Variants in MIIP observed in about 807,000 individuals in gnomAD.
MIIP encodes migration and invasion inhibitory protein.
In MIIP, 44 loss-of-function variants were observed where a neutral mutation model predicts 44.8. The observed-to-expected ratio is 0.98, with a 90% CI of 0.77 to 1.26. MIIP has a LOEUF of 1.26. Among genes scored for constraint, MIIP ranks in the 50% most tolerant of loss-of-function variants. The pLI is 0.00. For synonymous variants in MIIP, 225 were observed against 218.3 expected (o/e 1.03, Z -0.27); for missense variants, 496 against 511.7 (o/e 0.97, Z 0.30).
rs112218993 is a variant in MIIP at position 12,029,779 on chromosome 1, C to T, written c.730C>T (p.Arg244Cys). Residue 244 changes from arginine to cysteine, a missense_variant, in exon 7 of 10, where the codon CGT becomes TGT. Coordinates refer to ENST00000235332, the MANE Select transcript of MIIP (RefSeq NM_021933.4). Reference sequence around the variant, plus strand: ...GGGCCTCGCAGGCGTGTACTGTTACCGTGTCAACCGGCGCCTGTTCCCGGT... The same window carrying T: ...GGGCCTCGCAGGCGTGTACTGTTACTGTGTCAACCGGCGCCTGTTCCCGGT... ...EEDHECVYCY[R>C]VNRRLFPVPV... 219 of 1,613,078 alleles carry T rather than the reference C, an allele frequency of 1.4e-4. No homozygotes were observed. Among genetic ancestry groups the T allele is most frequent in the African/African-American group, 1.2e-3 (91 of 75,000 alleles).
chr1:12,022,627 T>C (rs1039377806), intron 3 of MIIP, among the ~76,000 whole-genome samples, 185 bp downstream of exon 3: 1 of 152,158 alleles, frequency 6.6e-6, no homozygotes, highest in African/African-American at 2.4e-5. Flanking sequence ...TCTCATACAG[T>C]GCTTTGAGAA....
intron 9 of MIIP, 125 bp from the exon 10 acceptor site, chr1:12,031,597 C>T (rs1208990): frequency 0.012 from 19,335 of 1,609,304 alleles, 366 homozygotes; most frequent in African/African-American, 0.087. Context: ...TGCTCCCTGC[C>T]GCCTGCCCTG....
chr1:12,023,676 C>CT (rs771688884), intron 4 of MIIP, among the ~76,000 whole-genome samples: 4,419 of 137,392 alleles, frequency 0.032, 89 homozygotes, highest in South Asian at 0.06. Context: ...CCATGCCCGG[C>CT]TTTTTTTTTT....
chr1:12,029,893 A>T lies in MIIP; in HGVS notation c.844A>T (p.Arg282Trp), dbSNP rs1640195918. 6.2e-7 allele frequency: 1 copy of T among 1,612,704 alleles called. No homozygotes were observed. Among genetic ancestry groups the T allele is most frequent in the Non-Finnish European group, 8.5e-7 (1 of 1,179,214 alleles). ...GACCCTGGCGCAGCCAGCGCACGTC[A>T]GGTGAGTGACCAGAGTATTGGGACA... is the stretch of plus-strand genomic sequence containing the variant. ...PGTLAQPAHV[R>W]VSIPLSILEP... The change falls in exon 7 of 10, where the codon AGG (arginine) becomes TGG (tryptophan). Residue 282 changes from arginine to tryptophan, a missense_variant and splice_region_variant. By Grantham distance (101) the Arg-to-Trp change is moderately radical. Transcript: ENST00000235332.
In MIIP at chr1:12,022,150, C is replaced by T. The variant is rs200638129; in HGVS notation, c.170C>T (p.Thr57Met). Residue 57 changes from threonine (T) to methionine (M), a missense_variant, in exon 3 of 10, where the codon ACG becomes ATG. By Grantham distance (81) the Thr-to-Met change is moderately conservative (BLOSUM62 -1). Coordinates refer to ENST00000235332, the MANE Select transcript of MIIP (RefSeq NM_021933.4). ...YNSETPSTPE[T>M]SSTSLSTSCP... ...TCAGAGACTCCATCGACCCCAGAGA[C>T]GTCCTCAACTTCCTTGAGCACCTCC... The T allele has an allele frequency of 3.3e-5, 53 of 1,614,048 alleles. No homozygotes were observed. Among genetic ancestry groups the T allele is most frequent in the East Asian group, 2.0e-4 (9 of 44,876 alleles).
chr1:12,023,658 A>G (rs1417203340), intron 4 of MIIP, among the ~76,000 whole-genome samples: 2 of 147,216 alleles, frequency 1.4e-5, no homozygotes, highest in South Asian at 2.2e-4. Flanking sequence ...GATTACAGGC[A>G]TGAGCCACCA....
intron 6 of MIIP, 199 bp from the exon 7 acceptor site, chr1:12,029,566 C>T: frequency 1.3e-6 from 1 of 766,924 alleles, no homozygotes; most frequent in Non-Finnish European, 2.1e-6. Context: ...CTCCTGAGGG[C>T]CCCAGGAGGA....
chr1:12,021,512 G>A (rs1639975364), intron 1 of MIIP, 133 bp from the exon 2 acceptor site: 1 of 574,050 alleles, frequency 1.7e-6, no homozygotes, highest in Non-Finnish European at 3.1e-6. Flanking sequence ...TTGTCGTCCA[G>A]CAGATGAGGA....
In MIIP at chr1:12,030,119, C is replaced by T. The variant is rs1640204852; in HGVS notation, c.937C>T (p.Pro313Ser). 5.0e-6 allele frequency: 8 copies of T among 1,612,410 alleles called. No homozygotes were observed. The highest frequency in any genetic ancestry group is 6.8e-6 in the Non-Finnish European group (8 of 1,179,886). ...TGACGCCTCTGACACACTGGCCCTGCCCCGGGTGAGCAGCCACGTGGGGCT... is the reference window on the plus strand; with the variant it reads ...TGACGCCTCTGACACACTGGCCCTGTCCCGGGTGAGCAGCCACGTGGGGCT... ...SFDASDTLAL[P>S]RHCLLGWDIF... The change falls in exon 8 of 10, where the codon CCC (proline) becomes TCC (serine). Residue 313 changes from proline to serine, a missense_variant. Pro to Ser is a moderately conservative substitution (Grantham distance 74, BLOSUM62 -1). Transcript: ENST00000235332.
At chr1:12,024,489 C>G (rs1640058795) in intron 4 of MIIP, among the ~76,000 whole-genome samples, 1 of 152,226 alleles carries the variant, frequency 6.6e-6, no homozygotes, top group Non-Finnish European at 1.5e-5. Flanking sequence ...TCTCCGCTCA[C>G]TGCAACCTCC....
chr1:12,029,652 C>T, intron 6 of MIIP, 113 bp from the exon 7 acceptor site: 1 of 1,445,322 alleles, frequency 6.9e-7, no homozygotes, highest in Non-Finnish European at 9.4e-7. Context: ...GGCCGAAGGG[C>T]TTCCCAGAGG....
In MIIP at chr1:12,029,835, G is replaced by C. The variant is rs139665248; in HGVS notation, c.786G>C (p.Leu262=). The C allele has an allele frequency of 1.0e-4, 162 of 1,613,420 alleles. No individual in the cohort carries two copies. The highest frequency in any genetic ancestry group is 1.6e-4 in the Middle Eastern group (1 of 6,062). The change falls in exon 7 of 10, where the codon CTG becomes CTC. Residue 262 remains leucine (L), a synonymous_variant. Coordinates refer to ENST00000235332, the MANE Select transcript of MIIP (RefSeq NM_021933.4). ...TGGATCCCGGTACCCCCTGCCGCCT[G>C]TGCAGGACACCGCGAGACCAGCAGG... ...VPVDPGTPCR[L]CRTPRDQQGP... is the part of the protein sequence containing the mutation.
intron 4 of MIIP, among the ~76,000 whole-genome samples, chr1:12,026,555 G>A (rs1640108184): frequency 6.6e-6 from 1 of 152,148 alleles, no homozygotes; most frequent in Non-Finnish European, 1.5e-5. Context: ...TCTGCTTCTG[G>A]CTCCTCCAGG....
chr1:12,030,556 CTTTTTTTTTT>C (rs71568383), intron 8 of MIIP, among the ~76,000 whole-genome samples: 1 of 59,070 alleles, frequency 1.7e-5, no homozygotes, highest in Non-Finnish European at 3.1e-5. Context: ...GCTGCTGCTG[CTTTTTTTTTT>C]TTTTTTTTTT....
chr1:12,020,518 G>C (rs187599672), intron 1 of MIIP, among the ~76,000 whole-genome samples: 20 of 152,100 alleles, frequency 1.3e-4, no homozygotes, highest in African/African-American at 4.8e-4. Flanking sequence ...TTTGTATTTT[G>C]TGTGTGTGTG....
chr1:12,028,990 C>T (rs1001072325), intron 4 of MIIP, 43 bp from the exon 5 acceptor site: 7 of 1,533,336 alleles, frequency 4.6e-6, no homozygotes, highest in Non-Finnish European at 6.3e-6. Context: ...CAGCAGCCCC[C>T]AGCCCCTCTC....
chr1:12,028,983 C>A, intron 4 of MIIP, 50 bp from the exon 5 acceptor site: 1 of 1,472,606 alleles, frequency 6.8e-7, no homozygotes, highest in Non-Finnish European at 9.5e-7. Context: ...GGCCACACAG[C>A]AGCCCCCAGC....
intron 1 of MIIP, 136 bp downstream of exon 1, chr1:12,019,688 C>T (rs962142836): frequency 1.3e-5 from 2 of 152,324 alleles, no homozygotes; most frequent in Admixed American, 6.5e-5. Context: ...GGTCCCGCCT[C>T]GGCGTCCGCC....
rs148158634 is a variant in MIIP, at chr1:12,022,881, C to T, written c.511C>T (p.Arg171Cys). The T allele has an allele frequency of 1.8e-4, 295 of 1,610,072 alleles. No homozygotes were observed. In the African/African-American group the frequency reaches 3.3e-3, roughly 18 times the overall value. The change falls in exon 4 of 10, where the codon CGC (arginine) becomes TGC (cysteine). Residue 171 changes from arginine to cysteine, a missense_variant. Arg to Cys is a radical substitution (Grantham distance 180). Coordinates refer to ENST00000235332, the MANE Select transcript of MIIP (RefSeq NM_021933.4). ...EESAVPKRSW[R>C]LRPYLGYDWI... ...GTCTGCAGTTCCTAAGAGGAGCTGG[C>T]GCCTCAGGCCATACCTGGGCTATGA...
Sources: allele counts gnomAD v4.1 joint callset (sites outside exome capture counted in the v4.1 genomes callset), GRCh38; gene constraint gnomAD v4.1.1; transcripts MANE v1.5; gene names NCBI Gene and HGNC (gene_info 2026-07-23, HGNC 2026-07-21).